The following RSBN1 variants were observed in gnomAD, a reference collection of about 807,000 sequenced individuals.
RSBN1 encodes lysine-specific demethylase 9.
RSBN1 carries 23 observed loss-of-function variants against 74.8 expected under a neutral mutation model. That is an observed-to-expected ratio of 0.31 (90% confidence interval 0.22 to 0.44). The LOEUF (loss-of-function observed/expected upper bound fraction) is 0.44, where lower values mean the gene tolerates loss of function less well. Ranked by LOEUF, RSBN1 falls within the 20% of genes least tolerant of loss-of-function variation. RSBN1 has a pLI of 1.00. For missense variants in RSBN1, 808 were observed against 1,020.9 expected (o/e 0.79, Z 2.84); for synonymous variants, 407 against 379.6 (o/e 1.07, Z -0.84).
At chr1:113,809,016 T>C (rs959653337) in intron 1 of RSBN1, among the ~76,000 whole-genome samples, 16 of 152,018 alleles carry the variant, frequency 1.1e-4, no homozygotes, top group African/African-American at 3.4e-4. Context: ...GACTTGACTA[T>C]GTTTGCAATT....
At chr1:113,801,183 A>T (rs542028044) in intron 1 of RSBN1, among the ~76,000 whole-genome samples, 1 of 152,168 alleles carries the variant, frequency 6.6e-6, no homozygotes, top group African/African-American at 2.4e-5. Flanking sequence ...GGGTTTCACC[A>T]TGTTGGCCAG....
chr1:113,773,596 G>T (rs1275232220), intron 4 of RSBN1, among the ~76,000 whole-genome samples: 1 of 152,218 alleles, frequency 6.6e-6, no homozygotes, highest in Non-Finnish European at 1.5e-5. Flanking sequence ...AATGTTAGTG[G>T]AGAGTATGAG....
chr1:113,806,790 C>T (rs1424451917), intron 1 of RSBN1, among the ~76,000 whole-genome samples: 5 of 144,078 alleles, frequency 3.5e-5, no homozygotes, highest in Admixed American at 1.5e-4. Context: ...CACTTAAGCC[C>T]AGGAGTTTGA....
chr1:113,776,194 G>T (rs1277584505), intron 4 of RSBN1, among the ~76,000 whole-genome samples: 1 of 152,142 alleles, frequency 6.6e-6, no homozygotes, highest in Non-Finnish European at 1.5e-5. Context: ...AGCAAATACT[G>T]GTTACCTAGT....
chr1:113,778,774 G>A (rs1219363005), intron 2 of RSBN1, among the ~76,000 whole-genome samples: 1 of 152,002 alleles, frequency 6.6e-6, no homozygotes, highest in Non-Finnish European at 1.5e-5. Context: ...CACACTCCAT[G>A]ATCTCTCCCT....
rs187075689 is a variant in RSBN1, at chr1:113,793,544, T to A, written c.1377+3819A>T. Reference sequence around the variant, plus strand: ...TCACAAGATTCCACCCTTAGTTTCATCTCTTTTCCACTGCTATTGCTGGTT... The same window carrying A: ...TCACAAGATTCCACCCTTAGTTTCAACTCTTTTCCACTGCTATTGCTGGTT... On this transcript the variant is annotated intron_variant, in intron 2 of 6. Transcript: ENST00000261441. Among the ~76,000 whole-genome samples, 465 of 152,304 alleles carry A rather than the reference T, an allele frequency of 3.1e-3. 4 individuals carry two copies. The highest frequency in any genetic ancestry group is 0.011 in the African/African-American group (440 of 41,578).
At chr1:113,781,885 A>G (rs1660146417) in intron 2 of RSBN1, among the ~76,000 whole-genome samples, 1 of 152,168 alleles carries the variant, frequency 6.6e-6, no homozygotes, top group Non-Finnish European at 1.5e-5. Context: ...AAACCTCTTA[A>G]CCAGTATCCT....
chr1:113,771,556 G>A (rs544022710), intron 4 of RSBN1, among the ~76,000 whole-genome samples: 108 of 149,826 alleles, frequency 7.2e-4, no homozygotes, highest in African/African-American at 2.4e-3. Flanking sequence ...TAAAAGGCAT[G>A]AGGATATGAT....
chr1:113,771,871 T>G (rs1035439473), intron 4 of RSBN1, among the ~76,000 whole-genome samples: 5 of 151,374 alleles, frequency 3.3e-5, no homozygotes, highest in African/African-American at 9.7e-5. Context: ...GAACACTTTT[T>G]TATGTTCCTA....
chr1:113,793,543 A>C (rs1218074896), intron 2 of RSBN1, among the ~76,000 whole-genome samples: 1 of 151,946 alleles, frequency 6.6e-6, no homozygotes, highest in Non-Finnish European at 1.5e-5. Context: ...CCTTAGTTTC[A>C]TCTCTTTTCC....
rs764403879 is a variant in RSBN1, at chr1:113,766,118, T to C, written c.2271A>G (p.Ser757=). ...GTTCTGATGCAGGTGGGAAAGATGA[T>C]GAAGCAGTTGTTAACAGCTGAATCT... ...CTEIQLLTTA[S]SSFPPASELN... is the part of the protein sequence containing the mutation. Residue 757 remains serine (S), a synonymous_variant, in exon 7 of 7, where the codon TCA becomes TCG. Coordinates refer to ENST00000261441, the MANE Select transcript of RSBN1 (RefSeq NM_018364.5). 8 of 1,614,080 alleles carry C rather than the reference T, an allele frequency of 5.0e-6. No homozygotes were observed. The highest frequency in any genetic ancestry group is 5.9e-6 in the Non-Finnish European group (7 of 1,179,970).
At chr1:113,806,020 A>G (rs1210255164) in intron 1 of RSBN1, among the ~76,000 whole-genome samples, 1 of 152,220 alleles carries the variant, frequency 6.6e-6, no homozygotes, top group Non-Finnish European at 1.5e-5. Context: ...TCCATGCGCT[A>G]CAAGGTCGTT....
In RSBN1 at chr1:113,765,249, T is replaced by C. The variant is rs560852959; in HGVS notation, c.*731A>G. The C allele has an allele frequency of 8.1e-4, 124 of 152,348 alleles. 1 individual carries two copies. Among genetic ancestry groups the C allele is most frequent in the African/African-American group, 2.7e-3 (113 of 41,538 alleles). 9.4% of individuals were successfully genotyped at this position (152,348 alleles called of 1,614,324 possible). ...AACATTATCTCTTTTACCCAAAATA[T>C]CTTCAACAGTTAGCATATATTCTAG... On this transcript the variant is annotated 3_prime_UTR_variant, in exon 7 of 7. Transcript: ENST00000261441.
At position 113,782,490 on chromosome 1, in the gene RSBN1, G is replaced by C. The variant is rs1041130938; in HGVS notation, c.1378-4682C>G. Among the ~76,000 whole-genome samples the C allele has an allele frequency of 2.0e-5, 3 of 152,166 alleles. No homozygotes were observed. The South Asian group carries it at 6.2e-4, about 31-fold the overall frequency. ...GAGTTAGCTAAAGAAATTGTGAAAG[G>C]ATGAGTTAAGAAGTAATGCAATTAA... On this transcript the variant is annotated intron_variant, in intron 2 of 6. Coordinates refer to ENST00000261441, the MANE Select transcript of RSBN1 (RefSeq NM_018364.5).
intron 4 of RSBN1, among the ~76,000 whole-genome samples, chr1:113,769,077 A>G (rs1227252224): frequency 6.6e-6 from 1 of 152,108 alleles, no homozygotes; most frequent in Non-Finnish European, 1.5e-5. Context: ...AAAGACCCCC[A>G]CAGAAAAACC....
Position 113,811,696 on chromosome 1 carries a change from T to G in RSBN1, c.703+14A>C. The G allele has an allele frequency of 6.4e-7, 1 of 1,560,462 alleles. No individual in the cohort carries two copies. The highest frequency in any genetic ancestry group is 8.7e-7 in the Non-Finnish European group (1 of 1,149,820). ...AGACCTAGAACCCAAGCCGGGCAGT[T>G]TGCCTGCTCTCACCTCTCTTGGGGG... On this transcript the variant is annotated intron_variant, in intron 1 of 6. Coordinates refer to ENST00000261441, the MANE Select transcript of RSBN1 (RefSeq NM_018364.5).
intron 2 of RSBN1, 60 bp downstream of exon 2, chr1:113,797,299 CAGAA>C: frequency 2.3e-6 from 3 of 1,329,958 alleles, no homozygotes; most frequent in South Asian, 2.8e-5. Context: ...TGCTGTGCGA[CAGAA>C]AGAGGTTAAT....
At chr1:113,802,023 C>T (rs996703924) in intron 1 of RSBN1, among the ~76,000 whole-genome samples, 13 of 151,126 alleles carry the variant, frequency 8.6e-5, no homozygotes, top group Non-Finnish European at 1.0e-4. Context: ...GGCGCAATCT[C>T]GGCTCACTGC....
Position 113,811,769 on chromosome 1 carries a change from T to A in RSBN1, c.644A>T (p.Asp215Val). ...SSCGTDLKHK[D>V]KQENGERTGG... Reference sequence around the variant, plus strand: ...AGTCCTCTCGCCGTTTTCCTGCTTGTCCTTGTGCTTGAGATCGGTTCCGCA... The same window carrying A: ...AGTCCTCTCGCCGTTTTCCTGCTTGACCTTGTGCTTGAGATCGGTTCCGCA... The change falls in exon 1 of 7, where the codon GAC becomes GTC. Residue 215 changes from aspartate (D) to valine (V), a missense_variant. Asp to Val is a radical substitution (Grantham distance 152, BLOSUM62 -3). Transcript: ENST00000261441. The A allele has an allele frequency of 1.9e-6, 3 of 1,613,544 alleles. No homozygotes were observed. Among genetic ancestry groups the A allele is most frequent in the Middle Eastern group, 1.6e-4 (1 of 6,062 alleles).
Sources: gnomAD v4.1 joint callset for allele counts (sites outside exome capture counted in the v4.1 genomes callset) on GRCh38, gnomAD v4.1.1 for gene constraint, MANE v1.5 for transcripts, NCBI Gene and HGNC (gene_info 2026-07-23, HGNC 2026-07-21) for gene names.